TRABD2B: variants seen among roughly 807,000 people sequenced by gnomAD.
TRABD2B encodes the protein TraB domain containing 2B.
In TRABD2B, 14 loss-of-function variants were observed where a neutral mutation model predicts 40.1. The observed-to-expected ratio is 0.35, with a 90% CI of 0.23 to 0.55. The LOEUF (loss-of-function observed/expected upper bound fraction) is 0.55. Ranked by LOEUF, TRABD2B falls within the 20% of genes least tolerant of loss-of-function variation. The pLI is 0.90. For missense variants in TRABD2B, 541 were observed against 648.6 expected (o/e 0.83, Z 1.80); for synonymous variants, 263 against 277.0 (o/e 0.95, Z 0.50).
intron 4 of TRABD2B, among the ~76,000 whole-genome samples, chr1:47,781,989 G>A (rs1644530578): frequency 1.3e-5 from 2 of 152,172 alleles, no homozygotes; most frequent in African/African-American, 4.8e-5. Context: ...CCCAGTCAAT[G>A]TGGGAGCCCT....
At chr1:47,781,848 A>C (rs1325388125) in intron 4 of TRABD2B, among the ~76,000 whole-genome samples, 1 of 152,182 alleles carries the variant, frequency 6.6e-6, no homozygotes, top group Non-Finnish European at 1.5e-5. Flanking sequence ...GCTTGGTTTC[A>C]CAGCACCCCA....
At chr1:47,775,930 T>C (rs953963095) in intron 5 of TRABD2B, among the ~76,000 whole-genome samples, 1 of 152,046 alleles carries the variant, frequency 6.6e-6, no homozygotes, top group African/African-American at 2.4e-5. Context: ...GAGCCCTGGG[T>C]ACGTCTCTGG....
At chr1:47,959,122 T>C (rs911645996) in intron 2 of TRABD2B, among the ~76,000 whole-genome samples, 3 of 151,962 alleles carry the variant, frequency 2.0e-5, no homozygotes, top group Non-Finnish European at 4.4e-5. Flanking sequence ...ACTGGGTACA[T>C]AACGAAATGA....
In TRABD2B at chr1:47,766,099, C is replaced by T. The variant is rs751567051; in HGVS notation, c.1357G>A (p.Ala453Thr). The part of the protein sequence containing the change: ...LWVRIEDSTT[A>T]SPPPLPLQPT... ...TGCAGGGGCAGCGGGGGTGGTGAGG[C>T]GGTGGTGCTGGAAAGGAGGAAGCAC... Residue 453 changes from alanine (A) to threonine (T), a missense_variant, in exon 7 of 7, where the codon GCC becomes ACC. Physicochemically the swap from Ala to Thr is moderately conservative, Grantham distance 58 (BLOSUM62 0). This residue lies in a region of TRABD2B where 172 missense variants were observed against 155.8 expected (regional missense o/e 1.10). Coordinates refer to ENST00000606738, the MANE Select transcript of TRABD2B (RefSeq NM_001194986.2). The T allele has an allele frequency of 2.6e-5, 18 of 701,456 alleles. No homozygotes were observed. The highest frequency in any genetic ancestry group is 1.9e-4 in the South Asian group (13 of 67,352). The allele number at this position is 701,456 out of a possible 1,614,324, so 43.5% of individuals were successfully genotyped here.
At chr1:47,992,269 C>G (rs960749852) in intron 2 of TRABD2B, among the ~76,000 whole-genome samples, 34 of 152,122 alleles carry the variant, frequency 2.2e-4, no homozygotes, top group African/African-American at 5.1e-4. Flanking sequence ...CCCTCCCGGC[C>G]GATGAATGGC....
At chr1:47,768,952 G>A (rs1347056392) in intron 6 of TRABD2B, among the ~76,000 whole-genome samples, 1 of 152,170 alleles carries the variant, frequency 6.6e-6, no homozygotes, top group Non-Finnish European at 1.5e-5. Flanking sequence ...ACAGGCCAAG[G>A]AGCCGTCCCT....
At chr1:47,790,536 A>AATAGC (rs1644657051) in intron 4 of TRABD2B, among the ~76,000 whole-genome samples, 1 of 152,234 alleles carries the variant, frequency 6.6e-6, no homozygotes, top group African/African-American at 2.4e-5. Flanking sequence ...CACAGATGCT[A>AATAGC]AGAGTATTTC....
At chr1:47,993,960 G>A (rs1244462405) in intron 2 of TRABD2B, 74 bp downstream of exon 2, 2 of 1,412,224 alleles carry the variant, frequency 1.4e-6, no homozygotes, top group Admixed American at 2.5e-5. Context: ...CCCCCTCGGA[G>A]AAGAAAGACA....
intron 2 of TRABD2B, among the ~76,000 whole-genome samples, chr1:47,936,050 A>G (rs1373030108): frequency 6.6e-6 from 1 of 152,218 alleles, no homozygotes; most frequent in Non-Finnish European, 1.5e-5. Context: ...AACATATGGG[A>G]AAGCACCCAG....
intron 4 of TRABD2B, among the ~76,000 whole-genome samples, chr1:47,782,506 A>T (rs552908085): frequency 6.6e-6 from 1 of 152,342 alleles, no homozygotes; most frequent in Non-Finnish European, 1.5e-5. Flanking sequence ...AGATAAACTC[A>T]AGTCTGGCAT....
intron 2 of TRABD2B, among the ~76,000 whole-genome samples, chr1:47,897,294 G>A (rs1644535899): frequency 6.6e-6 from 1 of 152,172 alleles, no homozygotes; most frequent in African/African-American, 2.4e-5. Flanking sequence ...TGGAGGGGAG[G>A]TAGGAGACGA....
At chr1:47,778,345 T>C in intron 5 of TRABD2B, 109 bp downstream of exon 5, 1 of 790,578 alleles carries the variant, frequency 1.3e-6, no homozygotes. Context: ...TCTTGCTTCC[T>C]GGTAGAGACC....
chr1:47,967,369 ACACAG>A (rs767451447), intron 2 of TRABD2B, among the ~76,000 whole-genome samples: 199 of 148,852 alleles, frequency 1.3e-3, no homozygotes, highest in Non-Finnish European at 7.3e-4. Context: ...ACACACACAC[ACACAG>A]CAATACTTCG....
At chr1:47,930,873 G>C (rs2148340534) in intron 2 of TRABD2B, among the ~76,000 whole-genome samples, 1 of 152,214 alleles carries the variant, frequency 6.6e-6, no homozygotes, top group South Asian at 2.1e-4. Context: ...GACGAGCTGG[G>C]ACCCGACCCC....
intron 2 of TRABD2B, among the ~76,000 whole-genome samples, chr1:47,873,713 G>C (rs988845475): frequency 1.6e-4 from 24 of 152,194 alleles, no homozygotes; most frequent in African/African-American, 5.8e-4. Context: ...TGTGAAGCCT[G>C]AGAGAGGACC....
chr1:47,939,227 G>A (rs1455120964), intron 2 of TRABD2B, among the ~76,000 whole-genome samples: 1 of 152,052 alleles, frequency 6.6e-6, no homozygotes, highest in Non-Finnish European at 1.5e-5. Context: ...GAAAGCACAG[G>A]CAGAGAGTTT....
chr1:47,827,772 C>A (rs1292689354), intron 2 of TRABD2B, among the ~76,000 whole-genome samples: 3 of 152,024 alleles, frequency 2.0e-5, no homozygotes, highest in African/African-American at 7.2e-5. Flanking sequence ...TCCACTTTGG[C>A]CCACAATGAG....
intron 6 of TRABD2B, among the ~76,000 whole-genome samples, chr1:47,771,329 C>T (rs978425336): frequency 2.0e-5 from 3 of 152,200 alleles, no homozygotes; most frequent in African/African-American, 7.2e-5. Flanking sequence ...CACCCCCTCC[C>T]CCTGCATGGT....
chr1:47,993,898 C>T, intron 2 of TRABD2B, 136 bp downstream of exon 2: 2 of 885,704 alleles, frequency 2.3e-6, no homozygotes, highest in South Asian at 1.8e-5. Context: ...CCTCGCTGCC[C>T]AGCAGAACCT....
Sources: gnomAD v4.1 joint callset for allele counts (sites outside exome capture counted in the v4.1 genomes callset) on GRCh38, gnomAD v4.1.1 for gene constraint, gnomAD v4.1.1 regional missense constraint, MANE v1.5 for transcripts, NCBI Gene and HGNC (gene_info 2026-07-23, HGNC 2026-07-21) for gene names.